The following LRRIQ3 variants were observed in gnomAD, a reference collection of about 807,000 sequenced individuals.
LRRIQ3 encodes the protein leucine rich repeats and IQ motif containing 3.
Under a neutral mutation model 59.3 loss-of-function variants are expected in LRRIQ3, and 75 were observed. The observed-to-expected ratio is 1.26, with a 90% CI of 1.05 to 1.53. LRRIQ3 has a LOEUF of 1.53. Among genes scored for constraint, LRRIQ3 ranks in the 40% most tolerant of loss-of-function variants. The pLI is 0.00. For missense variants in LRRIQ3, 831 were observed against 710.0 expected (o/e 1.17, Z -1.94); for synonymous variants, 250 against 231.3 (o/e 1.08, Z -0.73).
chr1:74,097,164 A>G (rs190379557), intron 5 of LRRIQ3, among the ~76,000 whole-genome samples: 55 of 152,294 alleles, frequency 3.6e-4, no homozygotes, highest in African/African-American at 1.3e-3. Context: ...AATCCTTGAA[A>G]AAAGATTAGA....
At chr1:74,194,998 T>C (rs528236724) in intron 1 of LRRIQ3, among the ~76,000 whole-genome samples, 1 of 152,092 alleles carries the variant, frequency 6.6e-6, no homozygotes, top group South Asian at 2.1e-4. Flanking sequence ...GGGAACTCCA[T>C]TTGGAAAAAA....
chr1:74,045,155 C>A (rs1654162687), intron 6 of LRRIQ3, among the ~76,000 whole-genome samples: 1 of 151,884 alleles, frequency 6.6e-6, no homozygotes. Context: ...ACAGACACAA[C>A]AAAAAAAGAA....
At chr1:74,095,976 T>C (rs1646444427) in intron 5 of LRRIQ3, among the ~76,000 whole-genome samples, 1 of 152,082 alleles carries the variant, frequency 6.6e-6, no homozygotes, top group Non-Finnish European at 1.5e-5. Context: ...ATATTTACCA[T>C]ACTAGAAATT....
chr1:74,036,460 C>G (rs1251754116), intron 7 of LRRIQ3, among the ~76,000 whole-genome samples: 1 of 152,090 alleles, frequency 6.6e-6, no homozygotes, highest in Non-Finnish European at 1.5e-5. Flanking sequence ...ATAGTTGTCC[C>G]TGGGTCTTCA....
At chr1:74,135,146 C>A (rs1316513317) in intron 4 of LRRIQ3, among the ~76,000 whole-genome samples, 1 of 151,782 alleles carries the variant, frequency 6.6e-6, no homozygotes, top group Non-Finnish European at 1.5e-5. Flanking sequence ...AAATATGTTA[C>A]TGAAACAAAG....
intron 3 of LRRIQ3, among the ~76,000 whole-genome samples, chr1:74,175,548 G>A (rs1484639269): frequency 6.6e-6 from 1 of 152,116 alleles, no homozygotes; most frequent in Admixed American, 6.5e-5. Context: ...CTAGCTTGGG[G>A]AAAGGGTGAC....
intron 5 of LRRIQ3, among the ~76,000 whole-genome samples, chr1:74,104,295 T>C (rs1242782404): frequency 6.6e-6 from 1 of 152,028 alleles, no homozygotes; most frequent in African/African-American, 2.4e-5. Context: ...CAGCTGTTTG[T>C]ATGACATTCT....
At chr1:74,073,835 T>C (rs1203461860) in intron 6 of LRRIQ3, among the ~76,000 whole-genome samples, 1 of 152,134 alleles carries the variant, frequency 6.6e-6, no homozygotes, top group Non-Finnish European at 1.5e-5. Flanking sequence ...CAAATGATTT[T>C]ACAAAAGTGA....
chr1:74,195,729 G>A (rs751655511), intron 1 of LRRIQ3, among the ~76,000 whole-genome samples: 7 of 152,132 alleles, frequency 4.6e-5, no homozygotes, highest in Non-Finnish European at 1.0e-4. Flanking sequence ...ATTATTTCCT[G>A]TGTGTTTGAT....
intron 3 of LRRIQ3, among the ~76,000 whole-genome samples, chr1:74,164,967 T>C (rs1648886387): frequency 6.6e-6 from 1 of 151,564 alleles, no homozygotes; most frequent in Non-Finnish European, 1.5e-5. Context: ...AAAATTCATT[T>C]GGACATATTG....
At position 74,074,661 on chromosome 1, in the gene LRRIQ3, C is replaced by T; in HGVS notation, c.997G>A (p.Gly333Ser). 7.6e-7 allele frequency: 1 copy of T among 1,317,040 alleles called. No individual in the cohort carries two copies. 81.6% of individuals were successfully genotyped at this position (1,317,040 alleles called of 1,614,324 possible). ...ATAATTAAAAATTCATATAACTAAC[C>T]TTTTTGAATGAGATGTCTTGATGTT... ...SKTSRHLIQK[G>S]QESEDEIVDE... is the part of the protein sequence containing the mutation. Residue 333 changes from glycine to serine, a missense_variant and splice_region_variant, in exon 6 of 8, where the codon GGT (glycine) becomes AGT (serine). Coordinates refer to ENST00000354431, the MANE Select transcript of LRRIQ3 (RefSeq NM_001105659.2).
intron 7 of LRRIQ3, among the ~76,000 whole-genome samples, chr1:74,036,542 T>C (rs1382487999): frequency 1.3e-5 from 2 of 152,214 alleles, no homozygotes; most frequent in Non-Finnish European, 2.9e-5. Flanking sequence ...TGCTAATCTG[T>C]CTTTATTATA....
In LRRIQ3 at chr1:74,153,085, TA is replaced by T. The variant is rs1172793601; in HGVS notation, c.707+2647del. Among the ~76,000 whole-genome samples, 4 of 152,186 alleles carry T rather than the reference TA, an allele frequency of 2.6e-5. No individual in the cohort carries two copies. The East Asian group carries it at 7.7e-4, about 29-fold the overall frequency. On this transcript the variant is annotated intron_variant, in intron 4 of 7. Coordinates refer to ENST00000354431, the MANE Select transcript of LRRIQ3 (RefSeq NM_001105659.2). ...CACATTCAATAAATTTTGTTTCCTA[TA>T]TTTTTTCCATTCTTTTTCCTTTTTT...
chr1:74,150,461 C>T (rs1263218135), intron 4 of LRRIQ3, among the ~76,000 whole-genome samples: 2 of 151,932 alleles, frequency 1.3e-5, no homozygotes, highest in Non-Finnish European at 2.9e-5. Flanking sequence ...GATTATGGGC[C>T]TCCTTATCTT....
intron 6 of LRRIQ3, among the ~76,000 whole-genome samples, chr1:74,046,527 C>T (rs1256465551): frequency 6.6e-6 from 1 of 152,126 alleles, no homozygotes. Context: ...CCATTCAGGA[C>T]ATTGGAATGG....
chr1:74,174,095 T>C (rs960929470), intron 3 of LRRIQ3, among the ~76,000 whole-genome samples: 46 of 152,134 alleles, frequency 3.0e-4, no homozygotes, highest in Non-Finnish European at 5.7e-4. Flanking sequence ...CATTATTTTA[T>C]ACACTTTCTT....
intron 6 of LRRIQ3, among the ~76,000 whole-genome samples, chr1:74,042,996 C>A (rs1034213042): frequency 6.6e-6 from 1 of 152,054 alleles, no homozygotes; most frequent in African/African-American, 2.4e-5. Context: ...CAGAATCATC[C>A]AAGTTGGGTC....
At chr1:74,132,045 C>A (rs577197195) in intron 4 of LRRIQ3, among the ~76,000 whole-genome samples, 54 of 152,282 alleles carry the variant, frequency 3.5e-4, no homozygotes, top group Non-Finnish European at 3.1e-4. Context: ...GATACAAAAT[C>A]AATGTGCAAA....
chr1:74,128,077 C>G (rs906574482), intron 4 of LRRIQ3, among the ~76,000 whole-genome samples: 1 of 152,048 alleles, frequency 6.6e-6, no homozygotes. Flanking sequence ...ACTGCAAAGT[C>G]TGTTGCCAGA....
Sources: gnomAD v4.1 joint callset for allele counts (sites outside exome capture counted in the v4.1 genomes callset) on GRCh38, gnomAD v4.1.1 for gene constraint, MANE v1.5 for transcripts, NCBI Gene and HGNC (gene_info 2026-07-23, HGNC 2026-07-21) for gene names.